BCAN: variants seen among roughly 807,000 people sequenced by gnomAD.
BCAN encodes the protein brevican core protein.
In BCAN, 51 loss-of-function variants were observed where a neutral mutation model predicts 92.4. The ratio of observed to expected loss-of-function variants is 0.55; its 90% CI spans 0.44 to 0.70. The LOEUF is 0.70. BCAN is among the 30% of genes least tolerant of loss of function. The pLI is 0.00. For missense variants in BCAN, 1,140 were observed against 1,212.1 expected (o/e 0.94, Z 0.88); for synonymous variants, 501 against 505.2 (o/e 0.99, Z 0.11).
chr1:156,647,838 G>A lies in BCAN; in HGVS notation c.642-145G>A, dbSNP rs778138470. ...TGAGGAGGGGAGGTGAGGACCCTGA[G>A]CATGTGCATCCCTGCAGTGCTAGAA... On this transcript the variant is annotated intron_variant, in intron 4 of 13. Transcript: ENST00000329117. The surrounding 1 kb of genome is among the most constrained non-coding windows in gnomAD (Gnocchi z 4.8). 1 of 1,532,980 alleles carries A rather than the reference G, an allele frequency of 6.5e-7. No homozygotes were observed. Among genetic ancestry groups the A allele is most frequent in the Non-Finnish European group, 9.0e-7 (1 of 1,110,158 alleles). The allele number at this position is 1,532,980 out of a possible 1,614,324, so 95.0% of individuals were successfully genotyped here.
Position 156,651,622 on chromosome 1 carries a change from C to G in BCAN, c.1230C>G (p.Ile410Met), listed in dbSNP as rs1321278306. The change falls in exon 7 of 14, where the codon ATC (isoleucine) becomes ATG (methionine). Residue 410 changes from isoleucine (I) to methionine (M), a missense_variant. This residue lies in a region of BCAN where 825 missense variants were observed against 871.8 expected (regional missense o/e 0.95). Coordinates refer to ENST00000329117, the MANE Select transcript of BCAN (RefSeq NM_021948.5). The part of the protein sequence containing the change: ...ESRGAIYSIP[I>M]MEDGGGGSST... ...GTGGGGCCATCTACTCCATCCCCATCATGGAGGACGGAGGAGGTGGAAGCT... is the reference window on the plus strand; with the variant it reads ...GTGGGGCCATCTACTCCATCCCCATGATGGAGGACGGAGGAGGTGGAAGCT... 1 of 1,613,876 alleles carries G rather than the reference C, an allele frequency of 6.2e-7. No homozygotes were observed. The highest frequency in any genetic ancestry group is 2.2e-5 in the East Asian group (1 of 44,886).
chr1:156,651,771 GT>G (rs1320137325), intron 7 of BCAN, 82 bp downstream of exon 7: 2 of 1,251,436 alleles, frequency 1.6e-6, no homozygotes, highest in African/African-American at 3.0e-5. Flanking sequence ...TGATGCTAGG[GT>G]GATGGATGAC....
intron 1 of BCAN, chr1:156,643,641 G>GAGAGAGAC (rs1462230835): frequency 1.3e-5 from 2 of 148,952 alleles, no homozygotes; most frequent in African/African-American, 2.6e-5. Context: ...CACACAGAGA[G>GAGAGAGAC]AGAGAGAGAG....
chr1:156,648,274 G>A (rs1679051828), intron 5 of BCAN, among the ~76,000 whole-genome samples, 164 bp downstream of exon 5: 1 of 152,050 alleles, frequency 6.6e-6, no homozygotes, highest in Admixed American at 6.6e-5. Flanking sequence ...TGTCACAGAG[G>A]CAAGCTCATG....
In BCAN at chr1:156,647,852, G is replaced by C. The variant is rs1451214040; in HGVS notation, c.642-131G>C. On this transcript the variant is annotated intron_variant, in intron 4 of 13. Coordinates refer to ENST00000329117, the MANE Select transcript of BCAN (RefSeq NM_021948.5). This position sits in a 1 kb window ranked among gnomAD's most constrained non-coding sequence, Gnocchi z 4.8. ...GAGGACCCTGAGCATGTGCATCCCTGCAGTGCTAGAAGGACAGCCAGCTGT... is the reference window on the plus strand; with the variant it reads ...GAGGACCCTGAGCATGTGCATCCCTCCAGTGCTAGAAGGACAGCCAGCTGT... 3.2e-6 allele frequency: 5 copies of C among 1,540,654 alleles called. No individual in the cohort carries two copies. The highest frequency in any genetic ancestry group is 9.0e-7 in the Non-Finnish European group (1 of 1,115,744).
chr1:156,646,187 G>T, intron 2 of BCAN, 42 bp downstream of exon 2: 1 of 1,574,836 alleles, frequency 6.3e-7, no homozygotes. Context: ...GTCTTGTTCA[G>T]CCCTAACCAA....
chr1:156,659,207 C>A lies in BCAN; in HGVS notation c.*73C>A. ...AAATTTTCCCTCACACCCTGCGCTC[C>A]CGCCACCACAGGAAGTGACAACATG... is the stretch of plus-strand genomic sequence containing the variant. On this transcript the variant is annotated 3_prime_UTR_variant, in exon 14 of 14. Coordinates refer to ENST00000329117, the MANE Select transcript of BCAN (RefSeq NM_021948.5). 8.6e-7 allele frequency: 1 copy of A among 1,158,718 alleles called. No individual in the cohort carries two copies. The highest frequency in any genetic ancestry group is 1.2e-6 in the Non-Finnish European group (1 of 831,194). The allele number at this position is 1,158,718 out of a possible 1,614,324, so 71.8% of individuals were successfully genotyped here.
intron 6 of BCAN, among the ~76,000 whole-genome samples, chr1:156,650,599 T>A (rs1021308820): frequency 2.0e-5 from 3 of 152,160 alleles, no homozygotes; most frequent in African/African-American, 7.2e-5. Flanking sequence ...CTGAAGTTAT[T>A]CCTGCACTCT....
rs1679411603 is a variant in BCAN at position 156,658,384 on chromosome 1, G to A, written c.2437+113G>A. The stretch of plus-strand genomic sequence containing the variant: ...CAAAGCAACATAGAGGAGTCAGAAC[G>A]TGTTCCAGACCATGGGAGAGCTAAC... On this transcript the variant is annotated intron_variant, in intron 12 of 13. Coordinates refer to ENST00000329117, the MANE Select transcript of BCAN (RefSeq NM_021948.5). The surrounding 1 kb of genome is among the most constrained non-coding windows in gnomAD (Gnocchi z 4.4). The A allele has an allele frequency of 1.3e-5, 19 of 1,492,782 alleles. No individual in the cohort carries two copies. The highest frequency in any genetic ancestry group is 1.7e-5 in the Non-Finnish European group (19 of 1,103,654). The allele number at this position is 1,492,782 out of a possible 1,614,324, so 92.5% of individuals were successfully genotyped here.
chr1:156,646,558 A>G, intron 2 of BCAN: 2 of 614,982 alleles, frequency 3.3e-6, no homozygotes, highest in Non-Finnish European at 5.3e-6. Context: ...CAGGGCAAGG[A>G]ATCCTGGGGG....
intron 10 of BCAN, 100 bp downstream of exon 10, chr1:156,657,196 G>C: frequency 6.9e-7 from 1 of 1,448,010 alleles, no homozygotes; most frequent in Non-Finnish European, 9.3e-7. Flanking sequence ...CTTATTCCTT[G>C]GTTTTCTCAA....
At chr1:156,656,458 G>C in intron 9 of BCAN, 69 bp downstream of exon 9, 1 of 1,205,270 alleles carries the variant, frequency 8.3e-7, no homozygotes, top group Non-Finnish European at 1.1e-6. Context: ...TTCTGGAGGG[G>C]GGAGGGAGAA....
intron 1 of BCAN, chr1:156,644,676 G>A (rs983195656): frequency 6.6e-6 from 1 of 152,206 alleles, no homozygotes. Flanking sequence ...GAGGTGGGAG[G>A]ATCTGGGAAA....
Position 156,647,554 on chromosome 1 carries a change from C to A in BCAN, c.513C>A (p.Ser171=), listed in dbSNP as rs762195280. 8 of 1,607,984 alleles carry A rather than the reference C, an allele frequency of 5.0e-6. No homozygotes were observed. In the South Asian group the frequency reaches 8.9e-5, roughly 18 times the overall value. Residue 171 remains serine, a synonymous_variant, in exon 4 of 14, where the codon TCC becomes TCA. Coordinates refer to ENST00000329117, the MANE Select transcript of BCAN (RefSeq NM_021948.5). The surrounding 1 kb of genome is among the most constrained non-coding windows in gnomAD (Gnocchi z 4.8). ...YREGSARYAF[S]FSGAQEACAR... is the part of the protein sequence containing the mutation. ...AGGGCTCTGCCCGCTATGCTTTCTC[C>A]TTTTCTGGGGCCCAGGAGGCCTGTG...
rs143238099 is a variant in BCAN at position 156,646,831 on chromosome 1, G to T, written c.122G>T (p.Gly41Val). Residue 41 changes from glycine to valine, a missense_variant, in exon 3 of 14, where the codon GGC becomes GTC. By Grantham distance (109) the Gly-to-Val change is moderately radical. Coordinates refer to ENST00000329117, the MANE Select transcript of BCAN (RefSeq NM_021948.5). ...EDRAFRVRIA[G>V]DAPLQGVLGG... is the part of the protein sequence containing the mutation. ...CGCGCTTTTCGCGTGCGCATCGCGGGCGACGCGCCACTGCAGGGCGTGCTC... is the reference window on the plus strand; with the variant it reads ...CGCGCTTTTCGCGTGCGCATCGCGGTCGACGCGCCACTGCAGGGCGTGCTC... The T allele has an allele frequency of 6.3e-7, 1 of 1,579,814 alleles. No individual in the cohort carries two copies. The highest frequency in any genetic ancestry group is 8.6e-7 in the Non-Finnish European group (1 of 1,164,552).
chr1:156,648,916 T>A (rs1679072207), intron 6 of BCAN, 55 bp downstream of exon 6: 1 of 1,498,982 alleles, frequency 6.7e-7, no homozygotes, highest in Non-Finnish European at 8.9e-7. Flanking sequence ...CAGAGTTGAG[T>A]CCTAAAAGTC....
Position 156,652,440 on chromosome 1 carries a change from C to G in BCAN, c.1490C>G (p.Thr497Ser), listed in dbSNP as rs765643575. The G allele has an allele frequency of 6.2e-7, 1 of 1,604,150 alleles. No homozygotes were observed. ...SSPGPEASLP[T>S]EPAAQEESLS... ...CCGGGCCCTGAGGCCTCTCTCCCCA[C>G]TGAGCCAGCAGCCCAGGAGGAGTCA... The change falls in exon 8 of 14, where the codon ACT becomes AGT. Residue 497 changes from threonine (T) to serine (S), a missense_variant. This residue lies in a region of BCAN where 825 missense variants were observed against 871.8 expected (regional missense o/e 0.95). Transcript: ENST00000329117.
In BCAN at chr1:156,647,405, T is replaced by C. The variant is rs754796775; in HGVS notation, c.467-103T>C. 8.6e-6 allele frequency: 11 copies of C among 1,280,976 alleles called. 1 individual carries two copies. In the South Asian group the frequency reaches 1.0e-4, roughly 12 times the overall value. The allele number at this position is 1,280,976 out of a possible 1,614,324, so 79.4% of individuals were successfully genotyped here. ...CCCTCATGCTGTAGAGTGAGCACAA[T>C]TGAACTTTATTTACCCTTGTGTACA... is the stretch of plus-strand genomic sequence containing the variant. On this transcript the variant is annotated intron_variant, in intron 3 of 13. Coordinates refer to ENST00000329117, the MANE Select transcript of BCAN (RefSeq NM_021948.5). The surrounding 1 kb of genome is among the most constrained non-coding windows in gnomAD (Gnocchi z 4.8).
chr1:156,647,901 G>A lies in BCAN; in HGVS notation c.642-82G>A, dbSNP rs751748011. 8.8e-6 allele frequency: 14 copies of A among 1,587,518 alleles called. No individual in the cohort carries two copies. The South Asian group carries it at 1.6e-4, about 18-fold the overall frequency. ...GTCAGCAAGTGTCTGCACTGTGGTG[G>A]CAGTGGGGTTCAATAGAATCAATAT... On this transcript the variant is annotated intron_variant, in intron 4 of 13. Coordinates refer to ENST00000329117, the MANE Select transcript of BCAN (RefSeq NM_021948.5). The surrounding 1 kb of genome is among the most constrained non-coding windows in gnomAD (Gnocchi z 4.8).
Sources: gnomAD v4.1 joint callset for allele counts (sites outside exome capture counted in the v4.1 genomes callset) on GRCh38, gnomAD v4.1.1 for gene constraint, gnomAD v4.1.1 regional missense constraint, Gnocchi (gnomAD v3.1) non-coding constraint, MANE v1.5 for transcripts, NCBI Gene and HGNC (gene_info 2026-07-23, HGNC 2026-07-21) for gene names.